KCNIP4: variants seen among roughly 807,000 people sequenced by gnomAD.
The protein encoded by KCNIP4 is potassium voltage-gated channel interacting protein 4.
In KCNIP4, 12 loss-of-function variants were observed where a neutral mutation model predicts 34.0. The ratio of observed to expected loss-of-function variants is 0.35; its 90% CI spans 0.23 to 0.57. The LOEUF (loss-of-function observed/expected upper bound fraction) is 0.57. Ranked by LOEUF, KCNIP4 falls within the 20% of genes least tolerant of loss-of-function variation. The probability of loss-of-function intolerance (pLI) is 0.83; values close to 1 mark genes in which losing one functional copy is unlikely to be tolerated. For synonymous variants in KCNIP4, 124 were observed against 102.2 expected (o/e 1.21, Z -1.29); for missense variants, 238 against 311.7 (o/e 0.76, Z 1.78).
At chr4:21,106,706 A>G (rs147642503) in intron 1 of KCNIP4, among the ~76,000 whole-genome samples, 2,632 of 150,748 alleles carry the variant, frequency 0.017, 163 homozygotes, top group African/African-American at 0.059. Context: ...TCAGTTTTGG[A>G]TCTTTCCTGC....
intron 1 of KCNIP4, among the ~76,000 whole-genome samples, chr4:21,376,279 T>A (rs1720953541): frequency 6.6e-6 from 1 of 152,214 alleles, no homozygotes; most frequent in South Asian, 2.1e-4. Context: ...TAGTTTTCCT[T>A]AAAGTAGAAA....
At chr4:20,962,356 C>T (rs1034354177) in intron 1 of KCNIP4, among the ~76,000 whole-genome samples, 1 of 152,224 alleles carries the variant, frequency 6.6e-6, no homozygotes, top group Admixed American at 6.5e-5. Flanking sequence ...ACCTAACCTG[C>T]AGGTTCTTGT....
intron 1 of KCNIP4, among the ~76,000 whole-genome samples, chr4:21,314,554 G>T (rs1713531200): frequency 6.6e-6 from 1 of 152,146 alleles, no homozygotes; most frequent in South Asian, 2.1e-4. Context: ...GGAGGCTGAA[G>T]GATATTTTTT....
At chr4:21,361,667 T>C (rs1719239345) in intron 1 of KCNIP4, among the ~76,000 whole-genome samples, 1 of 150,090 alleles carries the variant, frequency 6.7e-6, no homozygotes, top group Non-Finnish European at 1.5e-5. Context: ...CTAAAGTCTC[T>C]CAGATTGTTT....
intron 3 of KCNIP4, among the ~76,000 whole-genome samples, chr4:20,784,437 C>T (rs1368078511): frequency 6.6e-6 from 1 of 152,102 alleles, no homozygotes; most frequent in African/African-American, 2.4e-5. Flanking sequence ...CTCCCTCAGA[C>T]AACTGGGAAA....
chr4:21,868,101 C>T (rs1045780190), intron 1 of KCNIP4, among the ~76,000 whole-genome samples: 1 of 152,168 alleles, frequency 6.6e-6, no homozygotes, highest in Non-Finnish European at 1.5e-5. Flanking sequence ...GATAATTAAT[C>T]TTTTCAGTCT....
chr4:21,824,451 T>A (rs1296940224), intron 1 of KCNIP4, among the ~76,000 whole-genome samples: 2 of 152,138 alleles, frequency 1.3e-5, no homozygotes, highest in East Asian at 1.9e-4. Context: ...TTTCAGAACC[T>A]GCATTCTGAT....
Position 21,509,926 on chromosome 4 carries a change from T to A in KCNIP4, c.61+438645A>T, listed in dbSNP as rs186817930. On this transcript the variant is annotated intron_variant, in intron 1 of 8. Transcript: ENST00000382152. ...TGAGGTCAGGAGTTCGAGACCAGCC[T>A]GGCCAACATGGTGAAACCCTGTCTC... Among the ~76,000 whole-genome samples, 24 of 152,040 alleles carry A rather than the reference T, an allele frequency of 1.6e-4. No homozygotes were observed. The East Asian group carries it at 4.6e-3, about 29-fold the overall frequency.
Position 21,226,958 on chromosome 4 carries a change from T to G in KCNIP4, c.62-344249A>C, listed in dbSNP as rs1201544577. On this transcript the variant is annotated intron_variant, in intron 1 of 8. Transcript: ENST00000382152. ...CACCTTTTCAAGTTTGACCAGCCTC[T>G]GATTCTCTGAAATACAGCCTAGATT... 2.0e-5 allele frequency among the ~76,000 whole-genome samples: 3 copies of G among 152,216 alleles called. No individual in the cohort carries two copies. In the East Asian group the frequency reaches 5.8e-4, roughly 29 times the overall value.
chr4:21,429,858 T>C (rs1224885168), intron 1 of KCNIP4, among the ~76,000 whole-genome samples: 1 of 152,208 alleles, frequency 6.6e-6, no homozygotes. Flanking sequence ...TTCCTAACTT[T>C]TCTTTCAATA....
intron 1 of KCNIP4, among the ~76,000 whole-genome samples, chr4:21,916,340 T>C (rs2108989521): frequency 6.6e-6 from 1 of 152,340 alleles, no homozygotes; most frequent in Admixed American, 6.5e-5. Flanking sequence ...AGTTACTTTT[T>C]ATGCAATGAC....
chr4:21,852,642 G>GCC (rs1429335109), intron 1 of KCNIP4: 1 of 152,124 alleles, frequency 6.6e-6, no homozygotes, highest in African/African-American at 2.4e-5. Flanking sequence ...TATGGGGTGA[G>GCC]CCCACAGAGT....
chr4:21,864,832 C>T (rs1488126965), intron 1 of KCNIP4, among the ~76,000 whole-genome samples: 2 of 152,102 alleles, frequency 1.3e-5, no homozygotes, highest in African/African-American at 4.8e-5. Flanking sequence ...TAATTACCTT[C>T]CAGTGAAATA....
At chr4:21,400,519 T>TCCA (rs1560369219) in intron 1 of KCNIP4, among the ~76,000 whole-genome samples, 40 of 46,238 alleles carry the variant, frequency 8.7e-4, no homozygotes, top group East Asian at 6.4e-3. Context: ...CTTCCTCTTC[T>TCCA]CTTCTCTTCT....
chr4:21,257,686 G>T (rs867087623), intron 1 of KCNIP4, among the ~76,000 whole-genome samples: 39 of 151,464 alleles, frequency 2.6e-4, no homozygotes, highest in African/African-American at 9.0e-4. Flanking sequence ...GGAGGCGGAG[G>T]TTGCAGTGAG....
intron 1 of KCNIP4, among the ~76,000 whole-genome samples, chr4:21,832,048 A>C (rs2175783): frequency 0.48 from 72,450 of 151,910 alleles, 18,159 homozygotes; most frequent in East Asian, 0.65. Flanking sequence ...TATCACAATC[A>C]AGTAAAATTT....
chr4:20,804,413 AT>A (rs77457121), intron 3 of KCNIP4, among the ~76,000 whole-genome samples: 1,759 of 152,308 alleles, frequency 0.012, 45 homozygotes, highest in Admixed American at 0.065. Flanking sequence ...CATTGTGAAC[AT>A]TTTAAGGTCA....
intron 1 of KCNIP4, among the ~76,000 whole-genome samples, chr4:21,558,493 A>AAAATAAAT (rs138894931): frequency 0.096 from 14,306 of 149,018 alleles, 789 homozygotes; most frequent in Middle Eastern, 0.19. Context: ...TTCTGTCTCA[A>AAAATAAAT]AAATAAATAA....
In KCNIP4 at chr4:21,692,827, A is replaced by ATT. The variant is rs35231092; in HGVS notation, c.61+255742_61+255743dup. ...GAACTGGGAAATAGAAAATCCTGTC[A>ATT]TTTTTTTTTTTTTTTTTTTTTTTGC... On this transcript the variant is annotated intron_variant, in intron 1 of 8. Transcript: ENST00000382152. Among the ~76,000 whole-genome samples, 792 of 87,248 alleles carry ATT rather than the reference A, an allele frequency of 9.1e-3. 22 individuals are homozygous for ATT. Among genetic ancestry groups the ATT allele is most frequent in the African/African-American group, 0.02 (450 of 22,234 alleles). The allele number at this position is 87,248 out of a possible 152,430, so 57.2% of individuals were successfully genotyped here. A position where few individuals can be genotyped will look rare whatever the true frequency, so the allele number is the denominator to read the frequency against.
Sources: allele counts gnomAD v4.1 joint callset (sites outside exome capture counted in the v4.1 genomes callset), GRCh38; gene constraint gnomAD v4.1.1; transcripts MANE v1.5; gene names NCBI Gene and HGNC (gene_info 2026-07-23, HGNC 2026-07-21).